MCTP1: variants seen among roughly 807,000 people sequenced by gnomAD.
MCTP1 encodes the protein multiple C2 and transmembrane domain containing 1.
In MCTP1, 69 loss-of-function variants were observed where a neutral mutation model predicts 120.6. That is an observed-to-expected ratio of 0.57 (90% CI 0.47 to 0.70). The LOEUF (loss-of-function observed/expected upper bound fraction) is 0.70, where lower values mean the gene tolerates loss of function less well. Among genes scored for constraint, MCTP1 ranks in the 30% least tolerant of loss-of-function variants. The pLI, the probability that MCTP1 is intolerant of heterozygous loss-of-function variation, is 0.00. For synonymous variants in MCTP1, 529 were observed against 493.1 expected (o/e 1.07, Z -0.96); for missense variants, 1,203 against 1,248.8 (o/e 0.96, Z 0.55).
chr5:95,152,343 C>T (rs1582379166), intron 1 of MCTP1, among the ~76,000 whole-genome samples: 1 of 152,182 alleles, frequency 6.6e-6, no homozygotes, highest in Non-Finnish European at 1.5e-5. Flanking sequence ...GCCTTAGGCA[C>T]GTCAGACTGA....
chr5:94,821,989 A>T (rs978165110), intron 17 of MCTP1, among the ~76,000 whole-genome samples: 3 of 152,194 alleles, frequency 2.0e-5, no homozygotes, highest in African/African-American at 7.2e-5. Context: ...AAAGAGGTTT[A>T]AATATTAGGT....
At chr5:94,761,302 A>T (rs1479425405) in intron 19 of MCTP1, among the ~76,000 whole-genome samples, 1 of 152,186 alleles carries the variant, frequency 6.6e-6, no homozygotes, top group East Asian at 1.9e-4. Context: ...GATTCTTTGC[A>T]ACTCCTTCCT....
At chr5:94,753,271 T>C (rs878945903) in intron 19 of MCTP1, among the ~76,000 whole-genome samples, 3 of 152,204 alleles carry the variant, frequency 2.0e-5, no homozygotes, top group Admixed American at 1.3e-4. Flanking sequence ...CCTACACTTA[T>C]CTTGCAATTT....
chr5:95,225,277 G>C (rs1754131789), intron 1 of MCTP1, among the ~76,000 whole-genome samples: 2 of 152,150 alleles, frequency 1.3e-5, no homozygotes, highest in Admixed American at 1.3e-4. Context: ...AAGCATGGCA[G>C]TTAAAAAATC....
In MCTP1 at chr5:94,779,157, C is replaced by T. The variant is rs1163423112; in HGVS notation, c.2563G>A (p.Glu855Lys). The change falls in exon 19 of 23, where the codon GAG (glutamate) becomes AAG (lysine). Residue 855 changes from glutamate (E) to lysine (K), a missense_variant. This residue lies in a region of MCTP1 where 740 missense variants were observed against 871.1 expected (regional missense o/e 0.85). Transcript: ENST00000515393. The stretch of plus-strand genomic sequence containing the variant: ...TCTTCCTCGTCCTCTAGCATGTCCT[C>T]CACTACCTGCAGAGAGAAACAGAAG... ...KDNRQRDTVV[E>K]DMLEDEEEED... is the part of the protein sequence containing the mutation. 4 of 1,613,542 alleles carry T rather than the reference C, an allele frequency of 2.5e-6. No homozygotes were observed. The highest frequency in any genetic ancestry group is 3.4e-6 in the Non-Finnish European group (4 of 1,179,548).
At chr5:95,063,621 G>C (rs971071722) in intron 1 of MCTP1, among the ~76,000 whole-genome samples, 2 of 152,042 alleles carry the variant, frequency 1.3e-5, no homozygotes, top group Non-Finnish European at 2.9e-5. Flanking sequence ...ATTCAGACAG[G>C]GTCTTATTCT....
chr5:94,812,448 G>C (rs1783620121), intron 17 of MCTP1, among the ~76,000 whole-genome samples: 1 of 138,770 alleles, frequency 7.2e-6, no homozygotes. Context: ...GATTAGGTCA[G>C]GGATACGAAA....
chr5:94,801,439 C>CA (rs1386445626), intron 17 of MCTP1, among the ~76,000 whole-genome samples: 4 of 152,272 alleles, frequency 2.6e-5, no homozygotes, highest in African/African-American at 9.6e-5. Context: ...CTCCCTCTGA[C>CA]AAAAAAGTCT....
rs377618737 is a variant in MCTP1, at chr5:94,868,529, T to C, written c.2317-77A>G. 9.4e-6 allele frequency: 10 copies of C among 1,063,190 alleles called. No homozygotes were observed. In the African/African-American group the frequency reaches 1.3e-4, roughly 14 times the overall value. The allele number at this position is 1,063,190 out of a possible 1,614,324, so 65.9% of individuals were successfully genotyped here. A position where few individuals can be genotyped will look rare whatever the true frequency, so the allele number is the denominator to read the frequency against. The stretch of plus-strand genomic sequence containing the variant: ...GATATACTGCAAAATTCTTCAAGCT[T>C]ATTGTGACTTAAAAAGGATTCAGAA... On this transcript the variant is annotated intron_variant, in intron 16 of 22. Transcript: ENST00000515393.
intron 1 of MCTP1, among the ~76,000 whole-genome samples, chr5:95,226,843 A>G (rs1181398262): frequency 6.6e-6 from 1 of 152,174 alleles, no homozygotes; most frequent in Non-Finnish European, 1.5e-5. Flanking sequence ...ATTTGAGGTT[A>G]CTTTCCACAT....
chr5:94,770,602 A>T (rs1372277659), intron 19 of MCTP1, among the ~76,000 whole-genome samples: 1 of 152,294 alleles, frequency 6.6e-6, no homozygotes, highest in Admixed American at 6.5e-5. Flanking sequence ...TTGGAGACAG[A>T]TATCTACCTA....
At chr5:95,231,052 G>A (rs1444328561) in intron 1 of MCTP1, among the ~76,000 whole-genome samples, 1 of 151,954 alleles carries the variant, frequency 6.6e-6, no homozygotes. Context: ...CAATAGCAAG[G>A]GACAATATTG....
At chr5:95,056,546 T>A (rs913707442) in intron 1 of MCTP1, among the ~76,000 whole-genome samples, 1 of 152,204 alleles carries the variant, frequency 6.6e-6, no homozygotes, top group African/African-American at 2.4e-5. Flanking sequence ...GATTAATTCA[T>A]ACTATAGATG....
chr5:95,204,836 T>C (rs1384587775), intron 1 of MCTP1, among the ~76,000 whole-genome samples: 1 of 152,098 alleles, frequency 6.6e-6, no homozygotes, highest in Non-Finnish European at 1.5e-5. Context: ...CTGAAAACTA[T>C]ATAACATTTT....
chr5:94,718,718 CATTATT>C (rs1236960392), intron 19 of MCTP1, among the ~76,000 whole-genome samples: 2 of 152,024 alleles, frequency 1.3e-5, no homozygotes, highest in Non-Finnish European at 2.9e-5. Context: ...TAAAAGAAGA[CATTATT>C]ATTATTTTTT....
chr5:94,793,966 G>A (rs1004058556), intron 18 of MCTP1, among the ~76,000 whole-genome samples: 4 of 152,194 alleles, frequency 2.6e-5, no homozygotes, highest in Admixed American at 2.0e-4. Context: ...ACAATATTCA[G>A]TACTATTCTA....
intron 1 of MCTP1, among the ~76,000 whole-genome samples, chr5:95,117,427 C>G (rs1385115174): frequency 6.9e-6 from 1 of 144,466 alleles, no homozygotes; most frequent in Non-Finnish European, 1.5e-5. Context: ...CTCAACATCA[C>G]TGATCATTAA....
intron 1 of MCTP1, among the ~76,000 whole-genome samples, chr5:95,060,932 C>G (rs1371879197): frequency 9.1e-6 from 1 of 109,360 alleles, no homozygotes; most frequent in Non-Finnish European, 2.0e-5. Flanking sequence ...AGAGAGCATG[C>G]CACTCCACAA....
At chr5:95,033,140 A>T (rs1296259438) in intron 1 of MCTP1, among the ~76,000 whole-genome samples, 3 of 152,020 alleles carry the variant, frequency 2.0e-5, no homozygotes, top group Non-Finnish European at 4.4e-5. Context: ...CAATTCTACC[A>T]GATGCTCAAA....
Sources: gnomAD v4.1 joint callset for allele counts (sites outside exome capture counted in the v4.1 genomes callset) on GRCh38, gnomAD v4.1.1 for gene constraint, gnomAD v4.1.1 regional missense constraint, MANE v1.5 for transcripts, NCBI Gene and HGNC (gene_info 2026-07-23, HGNC 2026-07-21) for gene names.